Variants in PCDHGA4 observed in about 807,000 individuals in gnomAD.
The protein encoded by PCDHGA4 is protocadherin gamma subfamily A, 4.
Under a neutral mutation model 54.6 loss-of-function variants are expected in PCDHGA4, and 38 were observed. The ratio of observed to expected loss-of-function variants is 0.70; its 90% confidence interval spans 0.54 to 0.91. The LOEUF is 0.91. Ranked by LOEUF, PCDHGA4 falls within the 40% of genes least tolerant of loss-of-function variation. The probability of loss-of-function intolerance (pLI) is 0.00; values close to 1 mark genes in which losing one functional copy is unlikely to be tolerated. For missense variants in PCDHGA4, 1,298 were observed against 1,220.9 expected, an observed-to-expected ratio of 1.06 and a Z score of -0.94; for synonymous variants, 511 against 512.9, an observed-to-expected ratio of 1.00 and a Z score of 0.05.
intron 3 of PCDHGA4, among the ~76,000 whole-genome samples, chr5:141,506,320 G>A (rs1054880362): frequency 8.6e-5 from 13 of 151,966 alleles, no homozygotes; most frequent in South Asian, 8.3e-4. Flanking sequence ...ATGGTGGTGC[G>A]TGCCTGTAGT....
intron 1 of PCDHGA4, chr5:141,428,109 G>A: frequency 1.2e-6 from 2 of 1,607,850 alleles, no homozygotes; most frequent in Non-Finnish European, 1.7e-6. Context: ...CGTGCTGCAG[G>A]CCATCGAGCC....
Position 141,356,770 on chromosome 5 carries a change from C to T in PCDHGA4, c.1663C>T (p.Gln555Ter), listed in dbSNP as rs1406276997. Residue 555 changes from glutamine (Q) to a stop codon, truncating the protein, a stop_gained, in exon 1 of 4, where the codon CAG becomes TAG. Transcript: ENST00000571252. LOFTEE classifies it high-confidence loss of function. The stretch of plus-strand genomic sequence containing the variant: ...TGCTCTTTGCTCCTTCGACTATGAG[C>T]AGTTTAGAGACCTGCAGCTGCTGAT... ...LYALCSFDYEQFRDLQLLMTA... is the reference protein window; with the variant it reads ...LYALCSFDYE 12 of 1,614,006 alleles carry T rather than the reference C, an allele frequency of 7.4e-6. No individual in the cohort carries two copies. The highest frequency in any genetic ancestry group is 1.0e-5 in the Non-Finnish European group (12 of 1,179,862).
chr5:141,419,264 G>T (rs2096351955), intron 1 of PCDHGA4: 1 of 1,614,036 alleles, frequency 6.2e-7, no homozygotes, highest in Non-Finnish European at 8.5e-7. Context: ...CCAGCCGGGT[G>T]CCTCCATAGC....
In PCDHGA4 at chr5:141,494,748, C is replaced by T. The variant is rs566281527; in HGVS notation, c.2515-59C>T. On this transcript the variant is annotated intron_variant, in intron 1 of 3. Coordinates refer to ENST00000571252, the MANE Select transcript of PCDHGA4 (RefSeq NM_018917.4). ...CTCTCCCGGCCCATCCCTAGGGGCTCGGGTGACATTCTAACTTCTCACGGG... is the reference window on the plus strand; with the variant it reads ...CTCTCCCGGCCCATCCCTAGGGGCTTGGGTGACATTCTAACTTCTCACGGG... 1.4e-5 allele frequency: 22 copies of T among 1,613,104 alleles called. No individual in the cohort carries two copies. The East Asian group carries it at 4.2e-4, about 31-fold the overall frequency.
At chr5:141,424,928 T>C (rs2096848391) in intron 1 of PCDHGA4, among the ~76,000 whole-genome samples, 1 of 152,204 alleles carries the variant, frequency 6.6e-6, no homozygotes, top group South Asian at 2.1e-4. Flanking sequence ...ATCAATTCAG[T>C]CAACACTCTC....
At chr5:141,481,762 GC>G (rs1307001837) in intron 1 of PCDHGA4, among the ~76,000 whole-genome samples, 1 of 152,126 alleles carries the variant, frequency 6.6e-6, no homozygotes, top group Admixed American at 6.5e-5. Context: ...GACCAGCCTG[GC>G]CAACATGGTG....
intron 1 of PCDHGA4, among the ~76,000 whole-genome samples, chr5:141,482,605 C>T (rs2099569133): frequency 6.7e-6 from 1 of 150,032 alleles, no homozygotes; most frequent in Admixed American, 6.6e-5. Flanking sequence ...GAAAAAACAC[C>T]TAAATGAGCC....
intron 1 of PCDHGA4, among the ~76,000 whole-genome samples, chr5:141,494,113 C>G (rs2099751999): frequency 6.6e-6 from 1 of 152,214 alleles, no homozygotes; most frequent in Non-Finnish European, 1.5e-5. Flanking sequence ...TCAGACAGAG[C>G]AGCCTTGTTC....
At chr5:141,481,638 T>G (rs1465682432) in intron 1 of PCDHGA4, among the ~76,000 whole-genome samples, 1 of 152,014 alleles carries the variant, frequency 6.6e-6, no homozygotes, top group Admixed American at 6.6e-5. Context: ...GCCAACATGG[T>G]GAAACTTCAT....
intron 1 of PCDHGA4, chr5:141,362,031 G>A: frequency 6.2e-7 from 1 of 1,609,386 alleles, no homozygotes; most frequent in Non-Finnish European, 8.5e-7. Flanking sequence ...CGCGTGCCTT[G>A]GGCGACAGGG....
Position 141,370,908 on chromosome 5 carries a change from C to G in PCDHGA4, c.2514+13287C>G, listed in dbSNP as rs372602970. ...TGTCAATTCGCTGCAGCAGTACTACCTCAGCCCTGATCCGCACTTCTCTTT... is the reference window on the plus strand; with the variant it reads ...TGTCAATTCGCTGCAGCAGTACTACGTCAGCCCTGATCCGCACTTCTCTTT... On this transcript the variant is annotated intron_variant, in intron 1 of 3. Transcript: ENST00000571252. 2.5e-6 allele frequency: 4 copies of G among 1,614,028 alleles called. No homozygotes were observed. The Admixed American group carries it at 6.7e-5, about 27-fold the overall frequency.
chr5:141,418,987 A>AG (rs781016682), intron 1 of PCDHGA4: 1 of 1,613,974 alleles, frequency 6.2e-7, no homozygotes, highest in South Asian at 1.1e-5. Context: ...ACCAAGACTC[A>AG]GGGGAAAATG....
intron 3 of PCDHGA4, among the ~76,000 whole-genome samples, chr5:141,509,745 T>C (rs1456852988): frequency 6.6e-6 from 1 of 152,186 alleles, no homozygotes; most frequent in East Asian, 1.9e-4. Context: ...TCTGAGCCTG[T>C]GCCTAAAGTG....
Position 141,491,188 on chromosome 5 carries a change from G to A in PCDHGA4, c.2515-3619G>A. On this transcript the variant is annotated intron_variant, in intron 1 of 3. Transcript: ENST00000571252. This position sits in a 1 kb window ranked among gnomAD's most constrained non-coding sequence, Gnocchi z 6.9. Reference sequence around the variant, plus strand: ...CCAGCAGGTGGTGGTCCTGGTGAGGGACAATGGTGACCCTTCACTCTCCTC... The same window carrying A: ...CCAGCAGGTGGTGGTCCTGGTGAGGAACAATGGTGACCCTTCACTCTCCTC... The A allele has an allele frequency of 6.2e-7, 1 of 1,614,198 alleles. No individual in the cohort carries two copies. The highest frequency in any genetic ancestry group is 1.1e-5 in the South Asian group (1 of 91,086).
At chr5:141,370,379 A>G in intron 1 of PCDHGA4, 2 of 1,529,484 alleles carry the variant, frequency 1.3e-6, no homozygotes, top group Non-Finnish European at 1.8e-6. Flanking sequence ...AGAAAGGCAA[A>G]GGCGCAGAGA....
chr5:141,393,186 G>C, intron 1 of PCDHGA4: 2 of 1,613,306 alleles, frequency 1.2e-6, no homozygotes, highest in East Asian at 4.5e-5. Context: ...AGAAATAATT[G>C]ATATTAACGA....
intron 1 of PCDHGA4, chr5:141,389,259 G>C (rs374136353): frequency 6.2e-7 from 1 of 1,613,888 alleles, no homozygotes; most frequent in Non-Finnish European, 8.5e-7. Flanking sequence ...TATAGTCCAC[G>C]TGGCCGAGAA....
chr5:141,505,494 A>G lies in PCDHGA4; in HGVS notation c.2662+13A>G. ...GCGTCCGCCAGTGGTAAGTGGTGTC[A>G]GTGTGTGTATGGAAGAGTGGGAGAC... is the stretch of plus-strand genomic sequence containing the variant. On this transcript the variant is annotated intron_variant, in intron 3 of 3. Transcript: ENST00000571252. The G allele has an allele frequency of 6.8e-6, 11 of 1,614,198 alleles. No homozygotes were observed. Among genetic ancestry groups the G allele is most frequent in the Non-Finnish European group, 9.3e-6 (11 of 1,180,006 alleles).
chr5:141,405,401 TC>T (rs1176566209), intron 1 of PCDHGA4: 1 of 1,591,534 alleles, frequency 6.3e-7, no homozygotes, highest in Non-Finnish European at 8.6e-7. Flanking sequence ...TTTCTTTCTT[TC>T]TTTTCTTTTT....
Sources: gnomAD v4.1 joint callset for allele counts (sites outside exome capture counted in the v4.1 genomes callset) on GRCh38, gnomAD v4.1.1 for gene constraint, Gnocchi (gnomAD v3.1) non-coding constraint, MANE v1.5 for transcripts, NCBI Gene and HGNC (gene_info 2026-07-23, HGNC 2026-07-21) for gene names.